The following IQSEC1 variants were observed in gnomAD, a reference collection of about 807,000 sequenced individuals.
IQSEC1 encodes IQ motif and SEC7 domain-containing protein 1.
In IQSEC1, 31 loss-of-function variants were observed where a neutral mutation model predicts 91.0. That is an observed-to-expected ratio of 0.34 (90% CI 0.26 to 0.46). The LOEUF is 0.46. Among genes scored for constraint, IQSEC1 ranks in the 20% least tolerant of loss-of-function variants. The pLI is 1.00. For missense variants in IQSEC1, 1,388 were observed against 1,575.6 expected (o/e 0.88, Z 2.02); for synonymous variants, 699 against 662.6 (o/e 1.05, Z -0.84).
At chr3:12,939,426 G>A (rs1698546125) in intron 2 of IQSEC1, among the ~76,000 whole-genome samples, 1 of 152,234 alleles carries the variant, frequency 6.6e-6, no homozygotes, top group African/African-American at 2.4e-5. Context: ...AGGGCACAGT[G>A]GGTCAGGGGC....
At chr3:13,174,113 C>T (rs1693671882) in intron 1 of IQSEC1, among the ~76,000 whole-genome samples, 1 of 152,196 alleles carries the variant, frequency 6.6e-6, no homozygotes, top group East Asian at 1.9e-4. Context: ...ACAGCAGGCT[C>T]TGGGTGCTCC....
chr3:13,101,506 G>A (rs527672408), intron 2 of IQSEC1, among the ~76,000 whole-genome samples: 1 of 152,192 alleles, frequency 6.6e-6, no homozygotes, highest in East Asian at 1.9e-4. Flanking sequence ...GCCCCGGGAA[G>A]ATGAGCGATG....
intron 1 of IQSEC1, among the ~76,000 whole-genome samples, chr3:13,069,263 G>T (rs1224278326): frequency 6.6e-6 from 1 of 152,192 alleles, no homozygotes; most frequent in African/African-American, 2.4e-5. Context: ...CTCTCTCGGT[G>T]GGCTGGGGCT....
At chr3:13,280,107 C>T (rs368820394) in intron 1 of IQSEC1, among the ~76,000 whole-genome samples, 4 of 152,140 alleles carry the variant, frequency 2.6e-5, no homozygotes, top group African/African-American at 9.7e-5. Flanking sequence ...TCCTGCTTTG[C>T]GTGCATTTCA....
chr3:12,899,664 T>TGGCG lies in IQSEC1; in HGVS notation c.*1318_*1319insCGCC. Reference sequence around the variant, plus strand: ...AGGACACAGGGGTTCTGCTAGCACATGGCTACATGGAATTACGGTGATCAC... The same window carrying TGGCG: ...AGGACACAGGGGTTCTGCTAGCACATGGCGGGCTACATGGAATTACGGTGATCAC... On this transcript the variant is annotated 3_prime_UTR_variant, in exon 14 of 14. Transcript: ENST00000613206. 1.0e-6 allele frequency: 1 copy of TGGCG among 985,368 alleles called. No individual in the cohort carries two copies. Among genetic ancestry groups the TGGCG allele is most frequent in the South Asian group, 4.7e-5 (1 of 21,288 alleles). The allele number at this position is 985,368 out of a possible 1,614,324, so 61.0% of individuals were successfully genotyped here.
chr3:13,071,090 T>G (rs1277585813), intron 1 of IQSEC1, among the ~76,000 whole-genome samples: 1 of 151,648 alleles, frequency 6.6e-6, no homozygotes, highest in Admixed American at 6.6e-5. Flanking sequence ...TCCTGAGGCT[T>G]GAGCCCTCCC....
rs1301525713 is a variant in IQSEC1, at chr3:12,994,417, G to C, written c.24-52552C>G. On this transcript the variant is annotated intron_variant, in intron 1 of 13. Transcript: ENST00000613206. This position sits in a 1 kb window ranked among gnomAD's most constrained non-coding sequence, Gnocchi z 4.5. ...GACGTCACCCGAGCCTGGACGAGTG[G>C]AGGGCGCTCAGGTCGGTGCAGCCGC... is the stretch of plus-strand genomic sequence containing the variant. Among the ~76,000 whole-genome samples, 1 of 152,060 alleles carries C rather than the reference G, an allele frequency of 6.6e-6. No individual in the cohort carries two copies. The highest frequency in any genetic ancestry group is 1.9e-4 in the East Asian group (1 of 5,174).
Position 12,967,329 on chromosome 3 carries a change from T to A in IQSEC1, c.24-25464A>T. 6.9e-7 allele frequency: 1 copy of A among 1,446,828 alleles called. No homozygotes were observed. The highest frequency in any genetic ancestry group is 1.4e-5 in the African/African-American group (1 of 69,382). The allele number at this position is 1,446,828 out of a possible 1,614,324, so 89.6% of individuals were successfully genotyped here. ...CTCCCGCACAGGCATCCCCACAGCC[T>A]GCGCCAGCCCACCGCTCAGCACCCG... On this transcript the variant is annotated intron_variant, in intron 1 of 13. Coordinates refer to ENST00000613206, the MANE Select transcript of IQSEC1 (RefSeq NM_001134382.3). This position sits in a 1 kb window ranked among gnomAD's most constrained non-coding sequence, Gnocchi z 5.9.
chr3:13,030,830 G>A (rs367687949), intron 1 of IQSEC1, among the ~76,000 whole-genome samples: 42 of 152,354 alleles, frequency 2.8e-4, no homozygotes, highest in Non-Finnish European at 2.9e-4. Flanking sequence ...AGCATGAGGC[G>A]CAAAGCTGTG....
At chr3:13,250,810 C>G (rs1182032836) in intron 1 of IQSEC1, among the ~76,000 whole-genome samples, 1 of 151,890 alleles carries the variant, frequency 6.6e-6, no homozygotes, top group Admixed American at 6.6e-5. Flanking sequence ...TTTCCCCCAC[C>G]CCTGCTGCCA....
chr3:13,187,286 G>C (rs1693950567), intron 1 of IQSEC1, among the ~76,000 whole-genome samples: 1 of 152,184 alleles, frequency 6.6e-6, no homozygotes, highest in Admixed American at 6.5e-5. Flanking sequence ...CCACAGCACG[G>C]CTGATGCCAT....
intron 1 of IQSEC1, chr3:13,042,141 C>A (rs916000926): frequency 2.6e-5 from 4 of 152,276 alleles, no homozygotes; most frequent in African/African-American, 9.6e-5. Flanking sequence ...AAGTGAACCA[C>A]GACAAACGCT....
intron 3 of IQSEC1, among the ~76,000 whole-genome samples, chr3:12,925,872 C>A (rs1166061808): frequency 6.6e-6 from 1 of 152,244 alleles, no homozygotes; most frequent in African/African-American, 2.4e-5. Context: ...CTCACACCAG[C>A]CCTGGGAGCA....
chr3:12,941,139 T>C (rs896933879), intron 2 of IQSEC1, among the ~76,000 whole-genome samples: 5 of 152,198 alleles, frequency 3.3e-5, no homozygotes, highest in African/African-American at 9.6e-5. Flanking sequence ...ATGCTGTCAA[T>C]GGACCTCCCT....
In IQSEC1 at chr3:13,257,549, C is replaced by G. The variant is rs111430057; in HGVS notation, c.272+25162G>C. On this transcript the variant is annotated intron_variant, in intron 1 of 15. Transcript: ENST00000648114. Reference sequence around the variant, plus strand: ...TCCCGCCCCCGCCTGGTGCAGTCCACGAAGCCTCAGGGAGACTCGGGACAT... The same window carrying G: ...TCCCGCCCCCGCCTGGTGCAGTCCAGGAAGCCTCAGGGAGACTCGGGACAT... Among the ~76,000 whole-genome samples, 969 of 152,224 alleles carry G rather than the reference C, an allele frequency of 6.4e-3. 14 individuals carry two copies. The highest frequency in any genetic ancestry group is 0.022 in the African/African-American group (911 of 41,522).
At chr3:12,906,548 C>A (rs998626004) in intron 12 of IQSEC1, among the ~76,000 whole-genome samples, 3 of 152,254 alleles carry the variant, frequency 2.0e-5, no homozygotes, top group African/African-American at 7.2e-5. Flanking sequence ...TCTGTTCCTC[C>A]TTTTGTTTCA....
At chr3:12,981,459 G>C (rs6442343) in intron 1 of IQSEC1, among the ~76,000 whole-genome samples, 2,156 of 152,196 alleles carry the variant, frequency 0.014, 62 homozygotes, top group African/African-American at 0.049. Context: ...ACATCTCTGG[G>C]GGGGAGAACC....
intron 7 of IQSEC1, among the ~76,000 whole-genome samples, 153 bp downstream of exon 7, chr3:12,915,441 G>A (rs1217956177): frequency 6.6e-6 from 1 of 152,208 alleles, no homozygotes; most frequent in Non-Finnish European, 1.5e-5. Flanking sequence ...AATATGACAG[G>A]AGACACTCGA....
Position 12,908,400 on chromosome 3 carries a change from C to G in IQSEC1, c.2704G>C (p.Gly902Arg). The G allele has an allele frequency of 6.2e-7, 1 of 1,612,908 alleles. No homozygotes were observed. The change falls in exon 12 of 14, where the codon GGC becomes CGC. Residue 902 changes from glycine to arginine, a missense_variant. Physicochemically the swap from Gly to Arg is moderately radical, Grantham distance 125. Coordinates refer to ENST00000613206, the MANE Select transcript of IQSEC1 (RefSeq NM_001134382.3). The surrounding 1 kb of genome is among the most constrained non-coding windows in gnomAD (Gnocchi z 4.9). The part of the protein sequence containing the change: ...CLDDSYASGE[G>R]LKRSALSSSL... ...CTGCTGAGGGCGCTGCGCTTGAGGC[C>G]CTCACCGCTGGCATAGCTGTCGTCC... is the stretch of plus-strand genomic sequence containing the variant.
Sources: gnomAD v4.1 joint callset for allele counts (sites outside exome capture counted in the v4.1 genomes callset) on GRCh38, gnomAD v4.1.1 for gene constraint, Gnocchi (gnomAD v3.1) non-coding constraint, MANE v1.5 for transcripts, NCBI Gene and HGNC (gene_info 2026-07-23, HGNC 2026-07-21) for gene names.